The following CPT1C variants were observed in gnomAD, a reference collection of about 807,000 sequenced individuals.
CPT1C encodes the protein carnitine palmitoyltransferase 1C, also known as palmitoyl thioesterase CPT1C.
CPT1C carries 61 observed loss-of-function variants against 97.3 expected under a neutral mutation model. The ratio of observed to expected loss-of-function variants is 0.63; its 90% CI spans 0.51 to 0.78. CPT1C has a LOEUF of 0.78. Ranked by LOEUF, CPT1C falls within the 30% of genes least tolerant of loss-of-function variation. CPT1C has a pLI of 0.00. For missense variants in CPT1C, 975 were observed against 1,065.5 expected (o/e 0.92, Z 1.18); for synonymous variants, 469 against 447.2 (o/e 1.05, Z -0.61).
In CPT1C at chr19:49,700,729, G is replaced by A. The variant is rs772025661; in HGVS notation, c.327G>A (p.Leu109=). The stretch of plus-strand genomic sequence containing the variant: ...TCCGGGGGGTCCTGGCAGCCGCGCT[G>A]TTTGCCTCGTGTTTGTGGGGAGCCC... ...HGLRGVLAAA[L]FASCLWGALI... The change falls in exon 5 of 20, where the codon CTG becomes CTA. Residue 109 remains leucine, a synonymous_variant. Transcript: ENST00000598293. 5.6e-6 allele frequency: 9 copies of A among 1,612,308 alleles called. No individual in the cohort carries two copies. In the East Asian group the frequency reaches 1.1e-4, roughly 20 times the overall value.
Position 49,692,284 on chromosome 19 carries a change from G to T in CPT1C, c.32G>T (p.Arg11Leu). The T allele has an allele frequency of 6.2e-7, 1 of 1,614,042 alleles. No homozygotes were observed. The highest frequency in any genetic ancestry group is 8.5e-7 in the Non-Finnish European group (1 of 1,180,016). ...GAAGCGCACCAGGCCGTGGGCTTCC[G>T]ACCCTCGCTGACCTCGGACGGGGCT... MAEAHQAVGFRPSLTSDGAEV... is the reference protein window; with the variant it reads MAEAHQAVGFLPSLTSDGAEV... Residue 11 changes from arginine to leucine, a missense_variant, in exon 3 of 20, where the codon CGA (arginine) becomes CTA (leucine). Arg to Leu is a moderately radical substitution (Grantham distance 102). Coordinates refer to ENST00000598293, the MANE Select transcript of CPT1C (RefSeq NM_001199753.2).
Position 49,700,823 on chromosome 19 carries a change from G to A in CPT1C, c.421G>A (p.Gly141Arg), listed in dbSNP as rs771217192. The A allele has an allele frequency of 3.2e-5, 52 of 1,612,952 alleles. No individual in the cohort carries two copies. Among genetic ancestry groups the A allele is most frequent in the Non-Finnish European group, 3.4e-5 (40 of 1,180,024 alleles). ...CCACGGCTGGCTTCTTGAGCCCCACGGAGCCATGTCCTCCCCCACCAAGAC... is the reference window on the plus strand; with the variant it reads ...CCACGGCTGGCTTCTTGAGCCCCACAGAGCCATGTCCTCCCCCACCAAGAC... Reference protein sequence around the residue: ...SYHGWLLEPHGAMSSPTKTWL... With the variant: ...SYHGWLLEPHRAMSSPTKTWL... Residue 141 changes from glycine (G) to arginine (R), a missense_variant, in exon 5 of 20, where the codon GGA (glycine) becomes AGA (arginine). Gly to Arg is a moderately radical substitution (Grantham distance 125, BLOSUM62 -2). Transcript: ENST00000598293.
intron 3 of CPT1C, among the ~76,000 whole-genome samples, chr19:49,695,880 C>CT (rs34296413): frequency 0.11 from 16,022 of 150,756 alleles, 1,074 homozygotes; most frequent in South Asian, 0.19. Flanking sequence ...TGCCCCTGGC[C>CT]TTTTTTTTGA....
intron 14 of CPT1C, 100 bp from the exon 15 acceptor site, chr19:49,710,220 C>T (rs2083770665): frequency 3.4e-6 from 4 of 1,187,234 alleles, no homozygotes; most frequent in Admixed American, 3.6e-5. Flanking sequence ...TCTGCCGCAA[C>T]CTTAACTCCA....
At position 49,703,909 on chromosome 19, in the gene CPT1C, A is replaced by G. The variant is rs545099735; in HGVS notation, c.694-801A>G. Among the ~76,000 whole-genome samples, 14 of 152,126 alleles carry G rather than the reference A, an allele frequency of 9.2e-5. No individual in the cohort carries two copies. The South Asian group carries it at 2.9e-3, about 32-fold the overall frequency. On this transcript the variant is annotated intron_variant, in intron 7 of 19. Coordinates refer to ENST00000598293, the MANE Select transcript of CPT1C (RefSeq NM_001199753.2). ...CAGCCTCCCAAAATGCTGAGATAAG[A>G]GGTGTGAGCCACTGCGCCCAGCCTG...
At chr19:49,701,721 C>T in intron 7 of CPT1C, 87 bp downstream of exon 7, 1 of 1,424,298 alleles carries the variant, frequency 7.0e-7, no homozygotes, top group Non-Finnish European at 9.3e-7. Context: ...TACGCCCTGC[C>T]CCACGACACG....
intron 3 of CPT1C, among the ~76,000 whole-genome samples, chr19:49,694,846 T>A (rs2082570453): frequency 6.6e-6 from 1 of 151,954 alleles, no homozygotes; most frequent in Non-Finnish European, 1.5e-5. Context: ...AGTGTTAACA[T>A]GTGACCATCC....
chr19:49,712,651 A>AT, intron 17 of CPT1C, 85 bp from the exon 18 acceptor site: 1 of 1,009,274 alleles, frequency 9.9e-7, no homozygotes, highest in Non-Finnish European at 1.6e-6. Flanking sequence ...GTAAAAAAAA[A>AT]GCCAGGGATG....
Position 49,700,852 on chromosome 19 carries a change from G to T in CPT1C, c.450G>T (p.Trp150Cys). Residue 150 changes from tryptophan to cysteine, a missense_variant, in exon 5 of 20, where the codon TGG (tryptophan) becomes TGT (cysteine). By Grantham distance (215) the Trp-to-Cys change is radical. Around this residue, in one of 3 missense-constraint regions of CPT1C, gnomAD observed 596 missense variants for 603.1 expected, o/e 0.99. Transcript: ENST00000598293. ...HGAMSSPTKT[W>C]LALVRIFSGR... ...CCATGTCCTCCCCCACCAAGACCTG[G>T]CTGGTATGGGAGGGGCATAGCCCTG... 1 of 1,612,018 alleles carries T rather than the reference G, an allele frequency of 6.2e-7. No homozygotes were observed.
rs1432983301 is a variant in CPT1C, at chr19:49,704,990, C to G, written c.772-17C>G. The G allele has an allele frequency of 1.9e-6, 3 of 1,573,716 alleles. No individual in the cohort carries two copies. In the African/African-American group the frequency reaches 4.0e-5, roughly 21 times the overall value. On this transcript the variant is annotated splice_polypyrimidine_tract_variant and intron_variant, in intron 8 of 19. Coordinates refer to ENST00000598293, the MANE Select transcript of CPT1C (RefSeq NM_001199753.2). ...CCTGACCCTGGGTGTTTTGCCATCC[C>G]CTCTCCTGGTCCCCAGGACTTCCTG...
At chr19:49,693,051 C>T (rs1364456075) in intron 3 of CPT1C, among the ~76,000 whole-genome samples, 6 of 152,174 alleles carry the variant, frequency 3.9e-5, no homozygotes, top group Non-Finnish European at 4.4e-5. Context: ...ATACGCCCAG[C>T]TAATTTTTGT....
intron 7 of CPT1C, 105 bp downstream of exon 7, chr19:49,701,739 C>T (rs2083074777): frequency 2.4e-5 from 31 of 1,314,312 alleles, no homozygotes; most frequent in Non-Finnish European, 3.0e-5. Flanking sequence ...ACGCCCACAA[C>T]CCACACGCCC....
chr19:49,700,664 C>G lies in CPT1C; in HGVS notation c.282-20C>G. ...TGAGGCCAGGAGACCCAGGCCCAGC[C>G]TCTGTTTCTCTCCCCGCAGGGGTGG... On this transcript the variant is annotated intron_variant, in intron 4 of 19. Transcript: ENST00000598293. 2 of 1,603,170 alleles carry G rather than the reference C, an allele frequency of 1.2e-6. No individual in the cohort carries two copies. The highest frequency in any genetic ancestry group is 1.7e-6 in the Non-Finnish European group (2 of 1,178,950).
chr19:49,701,375 T>C lies in CPT1C; in HGVS notation c.512T>C (p.Leu171Pro), dbSNP rs2123288848. The C allele has an allele frequency of 6.2e-7, 1 of 1,613,638 alleles. No individual in the cohort carries two copies. The highest frequency in any genetic ancestry group is 1.7e-5 in the Admixed American group (1 of 59,978). The change falls in exon 6 of 20, where the codon CTG (leucine) becomes CCG (proline). Residue 171 changes from leucine (L) to proline (P), a missense_variant. By Grantham distance (98) the Leu-to-Pro change is moderately conservative. Transcript: ENST00000598293. ...HPMLFSYQRS[L>P]PRQPVPSVQD... Reference sequence around the variant, plus strand: ...ATGCTGTTCAGTTACCAGCGCTCCCTGCCACGCCAGCCCGTGCCCTCTGTG... The same window carrying C: ...ATGCTGTTCAGTTACCAGCGCTCCCCGCCACGCCAGCCCGTGCCCTCTGTG...
At chr19:49,703,563 T>TCCTCTCTCCCTC (rs2083318142) in intron 7 of CPT1C, among the ~76,000 whole-genome samples, 1 of 61,626 alleles carries the variant, frequency 1.6e-5, no homozygotes, top group Admixed American at 1.8e-4. Flanking sequence ...TGTCTCTCTC[T>TCCTCTCTCCCTC]CCTCCCTCCC....
intron 7 of CPT1C, among the ~76,000 whole-genome samples, chr19:49,702,806 G>A (rs192934679): frequency 1.3e-4 from 19 of 151,814 alleles, no homozygotes; most frequent in South Asian, 6.3e-4. Flanking sequence ...AAAGACTGGA[G>A]GGCGGGAGGC....
Position 49,697,377 on chromosome 19 carries a change from C to G in CPT1C, c.193C>G (p.Leu65Val). ...TGCCAGCCCCCTCAGTTGGCTTTTC[C>G]TCTTCAGTGCCATCCAGCTTGCCTG... The part of the protein sequence containing the change: ...FPASPLSWLF[L>V]FSAIQLAWFL... The change falls in exon 4 of 20, where the codon CTC becomes GTC. Residue 65 changes from leucine (L) to valine (V), a missense_variant. By Grantham distance (32) the Leu-to-Val change is conservative. Around this residue, in one of 3 missense-constraint regions of CPT1C, gnomAD observed 596 missense variants for 603.1 expected, o/e 0.99. Coordinates refer to ENST00000598293, the MANE Select transcript of CPT1C (RefSeq NM_001199753.2). 1 of 1,614,166 alleles carries G rather than the reference C, an allele frequency of 6.2e-7. No homozygotes were observed. The highest frequency in any genetic ancestry group is 1.3e-5 in the African/African-American group (1 of 75,048).
chr19:49,696,140 G>A (rs2082656098), intron 3 of CPT1C, among the ~76,000 whole-genome samples: 1 of 152,216 alleles, frequency 6.6e-6, no homozygotes, highest in African/African-American at 2.4e-5. Context: ...GCCTCCCAAA[G>A]TGCTGGGATT....
At position 49,706,535 on chromosome 19, in the gene CPT1C, G is replaced by A. The variant is rs1600121438; in HGVS notation, c.1343+122G>A. 1.1e-5 allele frequency: 10 copies of A among 870,388 alleles called. No individual in the cohort carries two copies. Among genetic ancestry groups the A allele is most frequent in the South Asian group, 6.0e-5 (2 of 33,148 alleles). 53.9% of individuals were successfully genotyped at this position (870,388 alleles called of 1,614,324 possible). On this transcript the variant is annotated intron_variant, in intron 12 of 19. Transcript: ENST00000598293. This position sits in a 1 kb window ranked among gnomAD's most constrained non-coding sequence, Gnocchi z 4.8. ...CACACCTGCAGAGTCTGTAGACCAG[G>A]GGCTGCATAGAGCTGAGGACCCCAG... is the stretch of plus-strand genomic sequence containing the variant.
Sources: allele counts gnomAD v4.1 joint callset (sites outside exome capture counted in the v4.1 genomes callset), GRCh38; gene constraint gnomAD v4.1.1; regional missense constraint gnomAD v4.1.1; non-coding constraint Gnocchi (gnomAD v3.1); transcripts MANE v1.5; gene names NCBI Gene and HGNC (gene_info 2026-07-23, HGNC 2026-07-21).